Variants in SHQ1 observed in about 807,000 individuals in gnomAD.
The protein encoded by SHQ1 is SHQ1, H/ACA ribonucleoprotein assembly factor, also known as protein SHQ1 homolog.
In SHQ1, 49 loss-of-function variants were observed where a neutral mutation model predicts 53.8. The ratio of observed to expected loss-of-function variants is 0.91; its 90% CI spans 0.72 to 1.16. The LOEUF (loss-of-function observed/expected upper bound fraction) is 1.16. Among genes scored for constraint, SHQ1 ranks in the 50% most tolerant of loss-of-function variants. SHQ1 has a pLI of 0.00. For synonymous variants in SHQ1, 243 were observed against 251.0 expected (o/e 0.97, Z 0.30); for missense variants, 738 against 683.1 (o/e 1.08, Z -0.90).
intron 10 of SHQ1, chr3:72,753,319 T>C (rs1423261749): frequency 1.0e-6 from 1 of 985,300 alleles, no homozygotes; most frequent in East Asian, 1.1e-4. Context: ...CATCCCATAA[T>C]ATCAGGAAAA....
chr3:72,832,952 T>C (rs937214069), intron 4 of SHQ1, among the ~76,000 whole-genome samples: 5 of 152,200 alleles, frequency 3.3e-5, no homozygotes, highest in Non-Finnish European at 5.9e-5. Context: ...ATATCCCTTA[T>C]ACAAAATGCT....
the SHQ1 span, among the ~76,000 whole-genome samples, chr3:72,740,606 T>C: frequency 0.014 from 2,087 of 152,350 alleles, 40 homozygotes; most frequent in African/African-American, 0.046. Flanking sequence ...AATAGGGAAC[T>C]GGATGTCCTC....
At chr3:72,833,184 G>A (rs1707873372) in intron 4 of SHQ1, among the ~76,000 whole-genome samples, 1 of 152,144 alleles carries the variant, frequency 6.6e-6, no homozygotes, top group Admixed American at 6.5e-5. Context: ...GCTCACTCCT[G>A]TAACCCCAGC....
chr3:72,812,864 T>C (rs1707170689), intron 8 of SHQ1, 70 bp from the exon 9 acceptor site: 4 of 1,564,068 alleles, frequency 2.6e-6, no homozygotes, highest in Non-Finnish European at 3.5e-6. Flanking sequence ...CACAATGAAA[T>C]AGGAAGCTTT....
At chr3:72,725,929 T>C in the SHQ1 span, among the ~76,000 whole-genome samples, 1 of 152,158 alleles carries the variant, frequency 6.6e-6, no homozygotes, top group African/African-American at 2.4e-5. Context: ...TTCTAAGCAC[T>C]TTACGCATAT....
intron 10 of SHQ1, among the ~76,000 whole-genome samples, chr3:72,755,870 ATAACC>A: frequency 6.6e-6 from 1 of 152,210 alleles, no homozygotes; most frequent in African/African-American, 2.4e-5. Flanking sequence ...GCATTATTAG[ATAACC>A]ACTCTTACAA....
chr3:72,752,478 C>T (rs1705406436), intron 10 of SHQ1, among the ~76,000 whole-genome samples: 1 of 152,060 alleles, frequency 6.6e-6, no homozygotes. Flanking sequence ...GCAATATCAG[C>T]AGCATGGAGT....
intron 9 of SHQ1, among the ~76,000 whole-genome samples, chr3:72,806,475 T>C (rs940163011): frequency 2.6e-5 from 4 of 152,022 alleles, no homozygotes; most frequent in South Asian, 2.1e-4. Flanking sequence ...CAATTTAGAA[T>C]AGGAGGAAGA....
In SHQ1 at chr3:72,824,428, T is replaced by G; in HGVS notation, c.723A>C (p.Thr241=). The part of the protein sequence containing the change: ...EKSQEQENHA[T]LVSFSEEEKY... ...AGCCGAATTTGAGTTTCTTACCTAA[T>G]GTAGCATGATTTTCTTGTTCCTGAC... Residue 241 remains threonine (T), a synonymous_variant, in exon 6 of 11, where the codon ACA becomes ACC. Coordinates refer to ENST00000325599, the MANE Select transcript of SHQ1 (RefSeq NM_018130.3). 6.2e-7 allele frequency: 1 copy of G among 1,610,812 alleles called. No homozygotes were observed. Among genetic ancestry groups the G allele is most frequent in the Non-Finnish European group, 8.5e-7 (1 of 1,179,560 alleles).
At chr3:72,734,617 T>A in the SHQ1 span, among the ~76,000 whole-genome samples, 5 of 151,676 alleles carry the variant, frequency 3.3e-5, no homozygotes, top group Non-Finnish European at 5.9e-5. Context: ...ATGAACAACC[T>A]CACATAAAGA....
intron 4 of SHQ1, 75 bp downstream of exon 4, chr3:72,840,970 T>C: frequency 6.7e-7 from 1 of 1,494,130 alleles, no homozygotes; most frequent in Non-Finnish European, 9.0e-7. Flanking sequence ...AACTACCAAG[T>C]GTAAGCATAA....
chr3:72,782,494 C>G (rs973821350), intron 10 of SHQ1, among the ~76,000 whole-genome samples: 3 of 152,136 alleles, frequency 2.0e-5, no homozygotes, highest in African/African-American at 7.2e-5. Context: ...ATTTTCCCAG[C>G]TTCTATTTAT....
At chr3:72,781,299 G>A (rs566860208) in intron 10 of SHQ1, among the ~76,000 whole-genome samples, 39 of 152,010 alleles carry the variant, frequency 2.6e-4, no homozygotes, top group Admixed American at 1.9e-3. Flanking sequence ...CAGGTGATCC[G>A]CTCACCTTGG....
chr3:72,804,399 C>CCT (rs1298038746), intron 9 of SHQ1, among the ~76,000 whole-genome samples: 4 of 152,152 alleles, frequency 2.6e-5, no homozygotes, highest in Admixed American at 2.0e-4. Context: ...TCTTCCTGAT[C>CCT]CTCTCCCTCC....
intron 1 of SHQ1, among the ~76,000 whole-genome samples, chr3:72,845,801 G>A (rs1353390970): frequency 6.6e-6 from 1 of 152,058 alleles, no homozygotes; most frequent in Admixed American, 6.6e-5. Context: ...AAAGGCCCAG[G>A]ACCTTTAATC....
At chr3:72,785,238 T>C (rs1003599863) in intron 10 of SHQ1, among the ~76,000 whole-genome samples, 2 of 152,238 alleles carry the variant, frequency 1.3e-5, no homozygotes, top group Non-Finnish European at 2.9e-5. Flanking sequence ...GACCTCCTGG[T>C]ATCCAGCTGT....
chr3:72,810,510 C>G lies in SHQ1; in HGVS notation c.1060+2161G>C, dbSNP rs148843147. 3.2e-3 allele frequency among the ~76,000 whole-genome samples: 487 copies of G among 152,268 alleles called. 3 individuals carry two copies. The highest frequency in any genetic ancestry group is 5.5e-3 in the Admixed American group (84 of 15,300). ...TTTGAAAGCTCATTCCATTTAAGAT[C>G]AATCCTTCTTTGGAGCCAGGGTTAT... On this transcript the variant is annotated intron_variant, in intron 9 of 10. Coordinates refer to ENST00000325599, the MANE Select transcript of SHQ1 (RefSeq NM_018130.3).
intron 8 of SHQ1, among the ~76,000 whole-genome samples, chr3:72,813,789 A>C (rs1189593792): frequency 6.7e-6 from 1 of 148,764 alleles, no homozygotes; most frequent in Non-Finnish European, 1.5e-5. Flanking sequence ...AAATACATAG[A>C]ACTCTTTAGT....
chr3:72,843,350 T>C (rs993682314), intron 2 of SHQ1, among the ~76,000 whole-genome samples: 1 of 152,182 alleles, frequency 6.6e-6, no homozygotes, highest in Admixed American at 6.5e-5. Context: ...TAATAAGGTT[T>C]TCTGGCATGT....
Sources: gnomAD v4.1 joint callset for allele counts (sites outside exome capture counted in the v4.1 genomes callset) on GRCh38, gnomAD v4.1.1 for gene constraint, MANE v1.5 for transcripts, NCBI Gene and HGNC (gene_info 2026-07-23, HGNC 2026-07-21) for gene names.